The following UBE4B variants were observed in gnomAD, a reference collection of about 807,000 sequenced individuals.
UBE4B encodes ubiquitin conjugation factor E4 B.
UBE4B carries 27 observed loss-of-function variants against 148.1 expected under a neutral mutation model. The ratio of observed to expected loss-of-function variants is 0.18; its 90% confidence interval spans 0.13 to 0.25. The LOEUF (loss-of-function observed/expected upper bound fraction) is 0.25. Ranked by LOEUF, UBE4B falls within the 10% of genes least tolerant of loss-of-function variation. The pLI, the probability that UBE4B is intolerant of heterozygous loss-of-function variation, is 1.00. For missense variants in UBE4B, 1,170 were observed against 1,662.4 expected (o/e 0.70, Z 5.15); for synonymous variants, 596 against 619.3 (o/e 0.96, Z 0.56).
At chr1:10,092,130 GGA>G (rs1644857624) in intron 2 of UBE4B, among the ~76,000 whole-genome samples, 1 of 152,138 alleles carries the variant, frequency 6.6e-6, no homozygotes, top group Admixed American at 6.6e-5. Context: ...AGCTGAGGCA[GGA>G]GGATCCCTTG....
At chr1:10,125,820 A>G (rs763498318) in intron 10 of UBE4B, among the ~76,000 whole-genome samples, 7 of 152,210 alleles carry the variant, frequency 4.6e-5, no homozygotes, top group Non-Finnish European at 8.8e-5. Context: ...TTAAGTGCCA[A>G]TAGCAGGTTA....
chr1:10,112,091 TTCAG>T (rs1198197208), intron 7 of UBE4B, among the ~76,000 whole-genome samples: 2 of 152,222 alleles, frequency 1.3e-5, no homozygotes, highest in South Asian at 4.1e-4. Flanking sequence ...TAAAATGGGA[TTCAG>T]TCTGCACAGA....
chr1:10,159,102 T>A (rs528202959), intron 22 of UBE4B, among the ~76,000 whole-genome samples: 11 of 152,192 alleles, frequency 7.2e-5, no homozygotes, highest in Admixed American at 2.6e-4. Context: ...GATGACAGTG[T>A]TAAATGAAGT....
intron 7 of UBE4B, among the ~76,000 whole-genome samples, chr1:10,113,013 T>C (rs1249374641): frequency 1.3e-5 from 2 of 152,206 alleles, no homozygotes; most frequent in African/African-American, 4.8e-5. Flanking sequence ...GTGATCACTG[T>C]GTTAGTCCAT....
intron 2 of UBE4B, among the ~76,000 whole-genome samples, chr1:10,078,093 T>TC (rs1271801523): frequency 3.9e-5 from 6 of 152,060 alleles, no homozygotes; most frequent in East Asian, 3.9e-4. Context: ...CACTGCAACC[T>TC]CCGTCACCCG....
intron 25 of UBE4B, among the ~76,000 whole-genome samples, chr1:10,177,985 G>T (rs188691586): frequency 1.2e-3 from 180 of 152,128 alleles, no homozygotes; most frequent in African/African-American, 4.1e-3. Context: ...CTGGGTCCAC[G>T]GTGGGCGCCT....
intron 25 of UBE4B, 136 bp downstream of exon 25, chr1:10,171,465 G>C (rs771820243): frequency 8.9e-7 from 1 of 1,118,570 alleles, no homozygotes; most frequent in Non-Finnish European, 1.3e-6. Flanking sequence ...GCAGATTTGG[G>C]CTGGGCGCGG....
intron 1 of UBE4B, among the ~76,000 whole-genome samples, chr1:10,067,630 T>G (rs1644412346): frequency 6.6e-6 from 1 of 152,282 alleles, no homozygotes; most frequent in South Asian, 2.1e-4. Context: ...CTTTTTTTTT[T>G]TTTTGAGACC....
At chr1:10,098,894 CAAGT>C (rs776208917) in intron 3 of UBE4B, among the ~76,000 whole-genome samples, 31 of 152,058 alleles carry the variant, frequency 2.0e-4, no homozygotes, top group Non-Finnish European at 8.8e-5. Flanking sequence ...TGCAGTAAAA[CAAGT>C]AAGGATTGGA....
chr1:10,161,241 G>T lies in UBE4B; in HGVS notation c.3153G>T (p.Val1051=). The part of the protein sequence containing the change: ...SLESLKRIHE[V]QEEMKNKEQW... ...AGTCTCTGAAGCGAATCCATGAAGT[G>T]CAGGAAGAGATGAAGAACAAAGAAC... The change falls in exon 23 of 28, where the codon GTG becomes GTT. Residue 1051 remains valine, a synonymous_variant. Coordinates refer to ENST00000343090, the MANE Select transcript of UBE4B (RefSeq NM_001105562.3). This position sits in a 1 kb window ranked among gnomAD's most constrained non-coding sequence, Gnocchi z 4.1. 1 of 1,614,132 alleles carries T rather than the reference G, an allele frequency of 6.2e-7. No individual in the cohort carries two copies. Among genetic ancestry groups the T allele is most frequent in the South Asian group, 1.1e-5 (1 of 91,076 alleles).
chr1:10,049,484 C>G (rs1643984899), intron 1 of UBE4B, among the ~76,000 whole-genome samples: 1 of 152,104 alleles, frequency 6.6e-6, no homozygotes, highest in Non-Finnish European at 1.5e-5. Context: ...ATGATGCATG[C>G]CTGCAATCCC....
chr1:10,043,699 A>G (rs1461259118), intron 1 of UBE4B, among the ~76,000 whole-genome samples: 1 of 152,096 alleles, frequency 6.6e-6, no homozygotes, highest in East Asian at 1.9e-4. Flanking sequence ...AAGTGCTGGG[A>G]TTACAGGCGT....
chr1:10,048,041 G>T (rs1299244324), intron 1 of UBE4B, among the ~76,000 whole-genome samples: 1 of 151,998 alleles, frequency 6.6e-6, no homozygotes, highest in African/African-American at 2.4e-5. Flanking sequence ...AGAGACGAGG[G>T]TCTCCCTGTG....
intron 11 of UBE4B, 194 bp from the exon 12 acceptor site, chr1:10,129,198 A>T (rs905195513): frequency 2.0e-6 from 1 of 492,022 alleles, no homozygotes; most frequent in African/African-American, 1.9e-5. Flanking sequence ...GTTTTATTTC[A>T]AGTTTTCACA....
At chr1:10,145,716 T>G (rs1296101486) in intron 18 of UBE4B, 1 of 152,192 alleles carries the variant, frequency 6.6e-6, no homozygotes, top group Non-Finnish European at 1.5e-5. Flanking sequence ...TATCTAGCCA[T>G]GCATTTCCAT....
At chr1:10,123,246 C>T (rs1645438269) in intron 10 of UBE4B, among the ~76,000 whole-genome samples, 1 of 151,866 alleles carries the variant, frequency 6.6e-6, no homozygotes, top group Admixed American at 6.6e-5. Context: ...GCCTGGCCAG[C>T]GTGGTGAAAC....
intron 7 of UBE4B, among the ~76,000 whole-genome samples, chr1:10,113,637 G>A (rs895653592): frequency 2.6e-5 from 4 of 152,168 alleles, no homozygotes; most frequent in Non-Finnish European, 5.9e-5. Context: ...CTAGGAATGG[G>A]AGTAATTTCA....
intron 23 of UBE4B, among the ~76,000 whole-genome samples, chr1:10,165,813 T>C (rs1646237703): frequency 6.6e-6 from 1 of 152,168 alleles, no homozygotes; most frequent in South Asian, 2.1e-4. Context: ...CCCTGCTTCA[T>C]TTTTCCTCAT....
intron 25 of UBE4B, among the ~76,000 whole-genome samples, chr1:10,176,596 C>T (rs1466164608): frequency 2.0e-5 from 3 of 152,014 alleles, no homozygotes; most frequent in African/African-American, 4.8e-5. Flanking sequence ...GTGGGAGTGA[C>T]GTGGTATTTC....
Sources: allele counts gnomAD v4.1 joint callset (sites outside exome capture counted in the v4.1 genomes callset), GRCh38; gene constraint gnomAD v4.1.1; non-coding constraint Gnocchi (gnomAD v3.1); transcripts MANE v1.5; gene names NCBI Gene and HGNC (gene_info 2026-07-23, HGNC 2026-07-21).